PHACTR3: variants seen among roughly 807,000 people sequenced by gnomAD.
The protein encoded by PHACTR3 is protein phosphatase 1, regulatory subunit 123.
Under a neutral mutation model 66.8 loss-of-function variants are expected in PHACTR3, and 16 were observed. That is an observed-to-expected ratio of 0.24 (90% CI 0.16 to 0.36). PHACTR3 has a LOEUF of 0.36. PHACTR3 is among the 10% of genes least tolerant of loss of function. The probability of loss-of-function intolerance (pLI) is 1.00; values close to 1 mark genes in which losing one functional copy is unlikely to be tolerated. For synonymous variants in PHACTR3, 323 were observed against 292.1 expected (o/e 1.11, Z -1.08); for missense variants, 647 against 719.9 (o/e 0.90, Z 1.16).
rs11471795 is a variant in PHACTR3, at chr20:59,635,169, C to CCTTTCTTTCTTTCTTT, written c.118+30048_118+30063dup. On this transcript the variant is annotated intron_variant, in intron 1 of 12. Coordinates refer to ENST00000371015, the MANE Select transcript of PHACTR3 (RefSeq NM_080672.5). ...TTTCTTTTTCTTTCTTTCTTTCTTT[C>CCTTTCTTTCTTTCTTT]CTTTCTTTCTTTCTTTCTTTCTTTC... is the stretch of plus-strand genomic sequence containing the variant. Among the ~76,000 whole-genome samples the CCTTTCTTTCTTTCTTT allele has an allele frequency of 7.2e-5, 4 of 55,340 alleles. 1 individual carries two copies. Among genetic ancestry groups the CCTTTCTTTCTTTCTTT allele is most frequent in the African/African-American group, 2.2e-4 (3 of 13,388 alleles). 36.3% of individuals were successfully genotyped at this position (55,340 alleles called of 152,430 possible).
In PHACTR3 at chr20:59,652,273, C is replaced by A. The variant is rs374772493; in HGVS notation, c.118+47141C>A. Among the ~76,000 whole-genome samples the A allele has an allele frequency of 4.6e-5, 7 of 152,278 alleles. No individual in the cohort carries two copies. The East Asian group carries it at 1.4e-3, about 29-fold the overall frequency. ...CTAGTCTCTGATAGATGTGGTGGCT[C>A]ACACCTGTAATCCCAGCACTTTGGG... On this transcript the variant is annotated intron_variant, in intron 1 of 12. Coordinates refer to ENST00000371015, the MANE Select transcript of PHACTR3 (RefSeq NM_080672.5).
chr20:59,773,984 C>T (rs2040443010), intron 6 of PHACTR3, among the ~76,000 whole-genome samples: 1 of 152,210 alleles, frequency 6.6e-6, no homozygotes, highest in Non-Finnish European at 1.5e-5. Flanking sequence ...GAAGTCCTCG[C>T]CCTGAACATT....
intron 3 of PHACTR3, 129 bp downstream of exon 3, chr20:59,747,964 C>T: frequency 3.0e-6 from 3 of 995,880 alleles, no homozygotes; most frequent in South Asian, 3.3e-5. Context: ...CAGATGAAGC[C>T]TGCAAGGTTG....
chr20:59,603,890 C>T (rs1343105), upstream of PHACTR3: 37,740 of 152,644 alleles, frequency 0.25, 5,984 homozygotes, highest in Non-Finnish European at 0.36. Flanking sequence ...TGTGTTCACC[C>T]CACACCACCG....
intron 1 of PHACTR3, among the ~76,000 whole-genome samples, chr20:59,610,151 G>T (rs1460171544): frequency 6.6e-6 from 1 of 152,158 alleles, no homozygotes; most frequent in Non-Finnish European, 1.5e-5. Flanking sequence ...GCTACTTGGG[G>T]GGCTGAGCCG....
At chr20:59,749,080 G>T (rs73144889) in intron 3 of PHACTR3, among the ~76,000 whole-genome samples, 1 of 152,274 alleles carries the variant, frequency 6.6e-6, no homozygotes, top group Non-Finnish European at 1.5e-5. Context: ...GGAAAGCTTG[G>T]TGTCAAGTCC....
At chr20:59,726,517 T>G (rs1430548017) in intron 1 of PHACTR3, among the ~76,000 whole-genome samples, 1 of 152,176 alleles carries the variant, frequency 6.6e-6, no homozygotes, top group Non-Finnish European at 1.5e-5. Flanking sequence ...TCTCCCTCCC[T>G]GGAAACCCCT....
intron 1 of PHACTR3, among the ~76,000 whole-genome samples, chr20:59,634,271 G>T (rs4812123): frequency 1.3e-5 from 2 of 152,186 alleles, no homozygotes; most frequent in South Asian, 4.1e-4. Flanking sequence ...AGGCGGAGCT[G>T]GGTGTGAATC....
intron 7 of PHACTR3, among the ~76,000 whole-genome samples, chr20:59,791,072 A>G (rs1328445590): frequency 2.0e-5 from 3 of 152,154 alleles, no homozygotes; most frequent in Admixed American, 6.6e-5. Context: ...CAGCTCCACC[A>G]TGGTATGAAT....
At chr20:59,661,502 C>T (rs1257383312) in intron 1 of PHACTR3, among the ~76,000 whole-genome samples, 2 of 152,168 alleles carry the variant, frequency 1.3e-5, no homozygotes, top group Non-Finnish European at 2.9e-5. Context: ...CCTGTGAGAA[C>T]CAGACAGAGT....
chr20:59,755,072 G>C (rs2039735853), intron 3 of PHACTR3, 110 bp from the exon 4 acceptor site: 1 of 1,108,992 alleles, frequency 9.0e-7, no homozygotes. Flanking sequence ...GAGAGGGGTG[G>C]GGGACCACCC....
chr20:59,694,693 C>T (rs149445435), intron 1 of PHACTR3, among the ~76,000 whole-genome samples: 8 of 152,222 alleles, frequency 5.3e-5, no homozygotes, highest in Admixed American at 4.6e-4. Flanking sequence ...ACCTACCTGG[C>T]TTATAATGAA....
intron 1 of PHACTR3, among the ~76,000 whole-genome samples, chr20:59,646,776 C>T (rs1434004111): frequency 6.6e-6 from 1 of 152,150 alleles, no homozygotes; most frequent in Non-Finnish European, 1.5e-5. Flanking sequence ...CTGGGAAGAA[C>T]ATTCTAGGGA....
chr20:59,692,825 A>G (rs777927147), intron 1 of PHACTR3, among the ~76,000 whole-genome samples: 14 of 152,228 alleles, frequency 9.2e-5, no homozygotes, highest in Non-Finnish European at 1.8e-4. Context: ...TAACTAGAAT[A>G]ATGTATGTCA....
intron 1 of PHACTR3, among the ~76,000 whole-genome samples, chr20:59,612,195 G>A (rs1346874117): frequency 6.6e-6 from 1 of 152,110 alleles, no homozygotes; most frequent in African/African-American, 2.4e-5. Context: ...TTGAGAGCTG[G>A]GTTCTATTCC....
At chr20:59,693,588 C>T (rs1434298294) in intron 1 of PHACTR3, among the ~76,000 whole-genome samples, 2 of 152,192 alleles carry the variant, frequency 1.3e-5, no homozygotes, top group East Asian at 3.9e-4. Context: ...ACTTCTGAGA[C>T]TGAGGTGGTA....
chr20:59,732,952 T>C (rs891635745), intron 1 of PHACTR3, among the ~76,000 whole-genome samples: 4 of 151,998 alleles, frequency 2.6e-5, no homozygotes, highest in Non-Finnish European at 4.4e-5. Flanking sequence ...AGGGCTATAA[T>C]CAGATTACAG....
In PHACTR3 at chr20:59,822,701, C is replaced by T. The variant is rs574561861; in HGVS notation, c.1329-13804C>T. 1.5e-4 allele frequency among the ~76,000 whole-genome samples: 23 copies of T among 152,338 alleles called. No homozygotes were observed. In the East Asian group the frequency reaches 3.3e-3, roughly 22 times the overall value. On this transcript the variant is annotated intron_variant, in intron 8 of 12. Transcript: ENST00000371015. ...GATTTGGTTTCTCTCTGACTCGGCT[C>T]GTTCAGTCAGCCTGACGGGCACCTA...
chr20:59,697,238 G>A (rs540113318), intron 1 of PHACTR3, among the ~76,000 whole-genome samples: 58 of 152,282 alleles, frequency 3.8e-4, no homozygotes, highest in Non-Finnish European at 7.4e-4. Context: ...GACAAACAGT[G>A]CAGGCATGTG....
Sources: allele counts gnomAD v4.1 joint callset (sites outside exome capture counted in the v4.1 genomes callset), GRCh38; gene constraint gnomAD v4.1.1; transcripts MANE v1.5; gene names NCBI Gene and HGNC (gene_info 2026-07-23, HGNC 2026-07-21).